Variants in CACNA2D1 observed in about 807,000 individuals in gnomAD.
CACNA2D1 encodes the protein voltage-dependent calcium channel subunit alpha-2/delta-1.
CACNA2D1 carries 53 observed loss-of-function variants against 171.5 expected under a neutral mutation model. The observed-to-expected ratio is 0.31, with a 90% CI of 0.25 to 0.39. The LOEUF is 0.39. Ranked by LOEUF, CACNA2D1 falls within the 10% of genes least tolerant of loss-of-function variation. CACNA2D1 has a pLI of 1.00. For missense variants in CACNA2D1, 903 were observed against 1,299.8 expected (o/e 0.69, Z 4.69); for synonymous variants, 442 against 443.1 (o/e 1.00, Z 0.03).
chr7:81,967,679 G>T lies in CACNA2D1; in HGVS notation c.2396-16C>A, dbSNP rs761540201. The T allele has an allele frequency of 5.0e-6, 6 of 1,195,368 alleles. No homozygotes were observed. The highest frequency in any genetic ancestry group is 2.5e-5 in the South Asian group (2 of 78,462). 74.0% of individuals were successfully genotyped at this position (1,195,368 alleles called of 1,614,324 possible). On this transcript the variant is annotated splice_polypyrimidine_tract_variant and intron_variant, in intron 29 of 38. Transcript: ENST00000356860. ...ATTCCAACAACTGAAAAATTAATTT[G>T]AATTAATTCAAAGGTATAATTAGAT...
At chr7:82,005,565 A>C (rs1799036767) in intron 17 of CACNA2D1, 68 bp from the exon 18 acceptor site, 2 of 1,035,200 alleles carry the variant, frequency 1.9e-6, no homozygotes, top group Non-Finnish European at 2.9e-6. Flanking sequence ...TATTCTTTTA[A>C]ATACATAATG....
In CACNA2D1 at chr7:82,000,771, C is replaced by CTTTTTTTTTTTT. The variant is rs774565705; in HGVS notation, c.1591-3533_1591-3522dup. On this transcript the variant is annotated intron_variant, in intron 18 of 38. Coordinates refer to ENST00000356860, the MANE Select transcript of CACNA2D1 (RefSeq NM_000722.4). ...TACCATGCCTAACTAATTTTTCTTTCTTTTTTTTTTTTTTTTTTTTTTTTT... is the reference window on the plus strand; with the variant it reads ...TACCATGCCTAACTAATTTTTCTTTCTTTTTTTTTTTTTTTTTTTTTTTTTTTTTTTTTTTTT... Among the ~76,000 whole-genome samples the CTTTTTTTTTTTT allele has an allele frequency of 1.5e-3, 79 of 51,962 alleles. 21 individuals are homozygous for CTTTTTTTTTTTT. The highest frequency in any genetic ancestry group is 2.3e-3 in the Non-Finnish European group (64 of 27,698). The allele number at this position is 51,962 out of a possible 152,430, so 34.1% of individuals were successfully genotyped here.
intron 1 of CACNA2D1, among the ~76,000 whole-genome samples, chr7:82,370,745 A>T (rs1822311586): frequency 6.6e-6 from 1 of 152,174 alleles, no homozygotes; most frequent in Non-Finnish European, 1.5e-5. Context: ...AAGAGTGTTC[A>T]CTGAAACAGT....
chr7:82,180,143 T>TA (rs1796965415), intron 3 of CACNA2D1, among the ~76,000 whole-genome samples: 1 of 152,132 alleles, frequency 6.6e-6, no homozygotes, highest in African/African-American at 2.4e-5. Flanking sequence ...CAAGAATGCA[T>TA]AGCAAACAGC....
At chr7:82,108,288 G>A (rs1787978777) in intron 6 of CACNA2D1, among the ~76,000 whole-genome samples, 1 of 152,130 alleles carries the variant, frequency 6.6e-6, no homozygotes, top group South Asian at 2.1e-4. Flanking sequence ...GGGTTAGTGT[G>A]TACTATGAAC....
chr7:82,249,461 G>T (rs1463580077), intron 3 of CACNA2D1, among the ~76,000 whole-genome samples: 2 of 152,160 alleles, frequency 1.3e-5, no homozygotes, highest in African/African-American at 2.4e-5. Context: ...AGGCTGAAAA[G>T]GTGTTCCAGA....
At chr7:82,185,681 G>A (rs79392153) in intron 3 of CACNA2D1, among the ~76,000 whole-genome samples, 3,135 of 152,056 alleles carry the variant, frequency 0.021, 86 homozygotes, top group East Asian at 0.11. Flanking sequence ...AAAGGCAAGC[G>A]AAGGGCAAGG....
intron 3 of CACNA2D1, among the ~76,000 whole-genome samples, chr7:82,248,874 T>C (rs566144786): frequency 3.0e-4 from 45 of 151,960 alleles, no homozygotes; most frequent in Non-Finnish European, 1.3e-4. Context: ...TCCCAGCACT[T>C]TGGGAGGCCG....
intron 3 of CACNA2D1, among the ~76,000 whole-genome samples, chr7:82,192,467 TGTGTG>T (rs1798412454): frequency 3.6e-3 from 4 of 1,112 alleles, no homozygotes; most frequent in Non-Finnish European, 8.1e-3. Flanking sequence ...TGTTTGTGTG[TGTGTG>T]TGTGTGTGTG....
intron 1 of CACNA2D1, among the ~76,000 whole-genome samples, chr7:82,406,201 C>A (rs1436034268): frequency 1.3e-5 from 2 of 152,068 alleles, no homozygotes; most frequent in Admixed American, 1.3e-4. Context: ...CATCCATGTC[C>A]CTACAAAGTA....
chr7:82,242,343 A>G (rs567014650), intron 3 of CACNA2D1, among the ~76,000 whole-genome samples: 1 of 152,284 alleles, frequency 6.6e-6, no homozygotes, highest in Admixed American at 6.5e-5. Flanking sequence ...AAGTAATCTA[A>G]GATGTAAAAC....
At position 82,174,520 on chromosome 7, in the gene CACNA2D1, C is replaced by T. The variant is rs3801718; in HGVS notation, c.295-3911G>A. 4.1e-3 allele frequency among the ~76,000 whole-genome samples: 624 copies of T among 152,112 alleles called. 13 individuals are homozygous for T. In the East Asian group the frequency reaches 0.064, roughly 15 times the overall value. The stretch of plus-strand genomic sequence containing the variant: ...CTATAAAGGTTTTAAGGACTTACAA[C>T]TATAACAAAATAGACTTGACCCCAG... On this transcript the variant is annotated intron_variant, in intron 3 of 38. Coordinates refer to ENST00000356860, the MANE Select transcript of CACNA2D1 (RefSeq NM_000722.4).
chr7:82,151,662 C>A (rs920606747), intron 4 of CACNA2D1, among the ~76,000 whole-genome samples: 3 of 151,888 alleles, frequency 2.0e-5, no homozygotes, highest in Non-Finnish European at 4.4e-5. Context: ...CGGTGGAGAG[C>A]AAAAATACTG....
chr7:82,197,191 AGG>A (rs1798938056), intron 3 of CACNA2D1, among the ~76,000 whole-genome samples: 1 of 152,022 alleles, frequency 6.6e-6, no homozygotes, highest in Non-Finnish European at 1.5e-5. Flanking sequence ...TTACTTAATT[AGG>A]AACATTGTTA....
intron 3 of CACNA2D1, among the ~76,000 whole-genome samples, chr7:82,226,499 G>A (rs1802379288): frequency 6.6e-6 from 1 of 152,154 alleles, no homozygotes; most frequent in Non-Finnish European, 1.5e-5. Context: ...CAGGTGTGCA[G>A]GCTCTGAGAT....
Position 81,950,431 on chromosome 7 carries a change from T to C in CACNA2D1, c.3237A>G (p.Leu1079=), listed in dbSNP as rs1454425144. 1.2e-6 allele frequency: 2 copies of C among 1,613,288 alleles called. No homozygotes were observed. The highest frequency in any genetic ancestry group is 1.7e-5 in the Admixed American group (1 of 59,856). The change falls in exon 39 of 39, where the codon CTA becomes CTG. Residue 1079 remains leucine (L), a synonymous_variant. Coordinates refer to ENST00000356860, the MANE Select transcript of CACNA2D1 (RefSeq NM_000722.4). ...LWYIIGIQFL[L]LWLVSGSTHR... ...GTGTGCTGCCAGATACCAGCCAAAG[T>C]AGTAGAAACTGGATTCCAATGATAT...
At chr7:82,138,116 T>C (rs1470237821) in intron 4 of CACNA2D1, among the ~76,000 whole-genome samples, 1 of 152,188 alleles carries the variant, frequency 6.6e-6, no homozygotes, top group Non-Finnish European at 1.5e-5. Flanking sequence ...CTGTACATTA[T>C]AAATCTCCAA....
intron 1 of CACNA2D1, among the ~76,000 whole-genome samples, chr7:82,397,132 G>A (rs1275906674): frequency 6.6e-6 from 1 of 152,102 alleles, no homozygotes; most frequent in Non-Finnish European, 1.5e-5. Context: ...CCAAAATCCA[G>A]GAGGCTTTCA....
chr7:82,015,456 A>G (rs1800332997), intron 12 of CACNA2D1, among the ~76,000 whole-genome samples: 1 of 152,162 alleles, frequency 6.6e-6, no homozygotes, highest in Non-Finnish European at 1.5e-5. Context: ...ATCAATAGAG[A>G]GTTTTTATAA....
Sources: allele counts gnomAD v4.1 joint callset (sites outside exome capture counted in the v4.1 genomes callset), GRCh38; gene constraint gnomAD v4.1.1; transcripts MANE v1.5; gene names NCBI Gene and HGNC (gene_info 2026-07-23, HGNC 2026-07-21).